Variants in AP2S1 observed in about 807,000 individuals in gnomAD.
AP2S1 encodes AP-2 complex subunit sigma.
A neutral mutation model predicts 21.0 loss-of-function variants in AP2S1; 6 were observed. The observed-to-expected ratio is 0.29, with a 90% CI of 0.16 to 0.56. The LOEUF (loss-of-function observed/expected upper bound fraction) is 0.56. Among genes scored for constraint, AP2S1 ranks in the 20% least tolerant of loss-of-function variants. AP2S1 has a pLI of 0.92. For synonymous variants in AP2S1, 63 were observed against 74.6 expected (o/e 0.84, Z 0.80); for missense variants, 60 against 186.2 (o/e 0.32, Z 3.95).
At chr19:46,840,034 T>G (rs975133029) in intron 2 of AP2S1, among the ~76,000 whole-genome samples, 1 of 152,150 alleles carries the variant, frequency 6.6e-6, no homozygotes, top group African/African-American at 2.4e-5. Flanking sequence ...CTGGAATTAA[T>G]TAACTCAATT....
rs60907407 is a variant in AP2S1, at chr19:46,840,367, CAAA to C, written c.154-792_154-790del. ...TATGTTCTCAATGTCAGGTTCATTACAAAAAAAAAAAAAAAAAAAATCCCAGCA... is the reference window on the plus strand; with the variant it reads ...TATGTTCTCAATGTCAGGTTCATTACAAAAAAAAAAAAAAAAATCCCAGCA... On this transcript the variant is annotated intron_variant, in intron 2 of 4. Coordinates refer to ENST00000263270, the MANE Select transcript of AP2S1 (RefSeq NM_004069.6). Among the ~76,000 whole-genome samples, 8 of 100,464 alleles carry C rather than the reference CAAA, an allele frequency of 8.0e-5. 1 individual carries two copies. Among genetic ancestry groups the C allele is most frequent in the Admixed American group, 7.4e-4 (7 of 9,494 alleles). The allele number at this position is 100,464 out of a possible 152,430, so 65.9% of individuals were successfully genotyped here.
chr19:46,839,697 C>G, intron 2 of AP2S1, 119 bp from the exon 3 acceptor site: 1 of 1,509,658 alleles, frequency 6.6e-7, no homozygotes, highest in Admixed American at 2.0e-5. Flanking sequence ...AGCTCTGTGC[C>G]TGGCCCTGTG....
At position 46,850,797 on chromosome 19, in the gene AP2S1, G is replaced by A. The variant is rs1313755045; in HGVS notation, c.-31C>T. On this transcript the variant is annotated 5_prime_UTR_variant, in exon 1 of 5. Coordinates refer to ENST00000263270, the MANE Select transcript of AP2S1 (RefSeq NM_004069.6). ...CCCCCGTCCAGACCCCAGCGGCCCC[G>A]GTCCCGCGGCGACTGGGCAGCTCCG... is the stretch of plus-strand genomic sequence containing the variant. 2.6e-6 allele frequency: 4 copies of A among 1,553,200 alleles called. No homozygotes were observed. Among genetic ancestry groups the A allele is most frequent in the East Asian group, 5.0e-5 (2 of 40,204 alleles).
chr19:46,846,155 G>A lies in AP2S1; in HGVS notation c.4-13C>T, dbSNP rs755816641. 1 of 1,612,796 alleles carries A rather than the reference G, an allele frequency of 6.2e-7. No individual in the cohort carries two copies. Among genetic ancestry groups the A allele is most frequent in the African/African-American group, 1.3e-5 (1 of 74,204 alleles). ...GGATAAAGCGGATCTGGGGGCAGCA[G>A]GAGGAGAAGGAGGAAGTGAGAGAGG... On this transcript the variant is annotated splice_polypyrimidine_tract_variant and intron_variant, in intron 1 of 4. Transcript: ENST00000263270.
Position 46,838,223 on chromosome 19 carries a change from C to T in AP2S1, c.*224G>A. 1.7e-6 allele frequency: 1 copy of T among 581,500 alleles called. No individual in the cohort carries two copies. Among genetic ancestry groups the T allele is most frequent in the Non-Finnish European group, 3.1e-6 (1 of 324,358 alleles). The allele number at this position is 581,500 out of a possible 1,614,324, so 36.0% of individuals were successfully genotyped here. On this transcript the variant is annotated 3_prime_UTR_variant, in exon 5 of 5. Coordinates refer to ENST00000263270, the MANE Select transcript of AP2S1 (RefSeq NM_004069.6). The surrounding 1 kb of genome is among the most constrained non-coding windows in gnomAD (Gnocchi z 4.1). ...CCACGCACAGACGCTTATGGCATCACACGACAACGGCACGGTTACTCGGGA... is the reference window on the plus strand; with the variant it reads ...CCACGCACAGACGCTTATGGCATCATACGACAACGGCACGGTTACTCGGGA...
chr19:46,841,200 T>C (rs542695233), intron 2 of AP2S1, among the ~76,000 whole-genome samples: 2 of 152,246 alleles, frequency 1.3e-5, no homozygotes, highest in African/African-American at 2.4e-5. Context: ...ATGATCCACC[T>C]GCCTCTGCCT....
intron 2 of AP2S1, among the ~76,000 whole-genome samples, chr19:46,840,203 C>T (rs1014294657): frequency 6.6e-6 from 1 of 151,724 alleles, no homozygotes; most frequent in Admixed American, 6.6e-5. Flanking sequence ...AGACACACAC[C>T]GTGAACAAAC....
intron 1 of AP2S1, 64 bp downstream of exon 1, chr19:46,850,700 A>C: frequency 7.2e-7 from 1 of 1,384,310 alleles, no homozygotes; most frequent in South Asian, 1.2e-5. Flanking sequence ...CGCCCGATCC[A>C]GCCTCGGCTA....
At chr19:46,847,863 T>C (rs780510089) in intron 1 of AP2S1, among the ~76,000 whole-genome samples, 1 of 152,160 alleles carries the variant, frequency 6.6e-6, no homozygotes, top group African/African-American at 2.4e-5. Flanking sequence ...TTAGGGCTAT[T>C]ATGAATAATA....
At chr19:46,844,023 G>A (rs1236201715) in intron 2 of AP2S1, among the ~76,000 whole-genome samples, 1 of 151,914 alleles carries the variant, frequency 6.6e-6, no homozygotes, top group Non-Finnish European at 1.5e-5. Flanking sequence ...CGATTCTCCT[G>A]CTTCAGCCTC....
chr19:46,839,664 C>T (rs752800997), intron 2 of AP2S1, 86 bp from the exon 3 acceptor site: 1 of 1,592,382 alleles, frequency 6.3e-7, no homozygotes, highest in Non-Finnish European at 8.6e-7. Context: ...CACTCCTTCA[C>T]TCCATACGTG....
chr19:46,850,737 G>T, intron 1 of AP2S1, 27 bp downstream of exon 1: 1 of 1,558,184 alleles, frequency 6.4e-7, no homozygotes, highest in Non-Finnish European at 8.8e-7. Context: ...CCCTCCGCCA[G>T]TCCCCGGCGT....
rs978435959 is a variant in AP2S1, at chr19:46,850,270, C to T, written c.3+494G>A. 5.7e-6 allele frequency: 7 copies of T among 1,234,488 alleles called. No individual in the cohort carries two copies. The African/African-American group carries it at 9.3e-5, about 16-fold the overall frequency. The allele number at this position is 1,234,488 out of a possible 1,614,324, so 76.5% of individuals were successfully genotyped here. On this transcript the variant is annotated intron_variant, in intron 1 of 4. Coordinates refer to ENST00000263270, the MANE Select transcript of AP2S1 (RefSeq NM_004069.6). ...CTCACAGGCAGTCTCCTGCCCCTGTCTCAACATCCCCTCTCCACCTGCAAT... is the reference window on the plus strand; with the variant it reads ...CTCACAGGCAGTCTCCTGCCCCTGTTTCAACATCCCCTCTCCACCTGCAAT...
intron 3 of AP2S1, 38 bp downstream of exon 3, chr19:46,839,424 GCCC>G: frequency 6.6e-7 from 1 of 1,504,488 alleles, no homozygotes. Context: ...CTCCAGGGCT[GCCC>G]ACCCGCCTCC....
At chr19:46,846,484 G>A (rs1463031321) in intron 1 of AP2S1, among the ~76,000 whole-genome samples, 5 of 126,002 alleles carry the variant, frequency 4.0e-5, no homozygotes, top group South Asian at 4.9e-4. Flanking sequence ...GTCTTGCTAC[G>A]TTGCTGGTCT....
At chr19:46,846,197 G>C (rs974474522) in intron 1 of AP2S1, 55 bp from the exon 2 acceptor site, 1 of 1,602,626 alleles carries the variant, frequency 6.2e-7, no homozygotes, top group Non-Finnish European at 8.5e-7. Flanking sequence ...GGGCGGGTTG[G>C]GTGCTGCCCA....
At position 46,840,720 on chromosome 19, in the gene AP2S1, A is replaced by ATTTTTTTT. The variant is rs781138883; in HGVS notation, c.154-1150_154-1143dup. Among the ~76,000 whole-genome samples the ATTTTTTTT allele has an allele frequency of 2.8e-4, 31 of 110,726 alleles. 3 individuals carry two copies. Among genetic ancestry groups the ATTTTTTTT allele is most frequent in the African/African-American group, 1.1e-3 (29 of 27,036 alleles). The allele number at this position is 110,726 out of a possible 152,430, so 72.6% of individuals were successfully genotyped here. Reference sequence around the variant, plus strand: ...ATGAGTGCCAGCATCAGTCTTCGGCATTTTTTTTTTTTTTTTTTTTTGAGT... The same window carrying ATTTTTTTT: ...ATGAGTGCCAGCATCAGTCTTCGGCATTTTTTTTTTTTTTTTTTTTTTTTTTTTTGAGT... On this transcript the variant is annotated intron_variant, in intron 2 of 4. Transcript: ENST00000263270.
rs566588587 is a variant in AP2S1 at position 46,840,172 on chromosome 19, C to T, written c.154-594G>A. 4.6e-5 allele frequency among the ~76,000 whole-genome samples: 7 copies of T among 152,000 alleles called. No individual in the cohort carries two copies. The South Asian group carries it at 1.3e-3, about 27-fold the overall frequency. The stretch of plus-strand genomic sequence containing the variant: ...CCTGCCCTCACTGAAATGCGATATA[C>T]ACAGTTAGCAATAGTAACACAGACA... On this transcript the variant is annotated intron_variant, in intron 2 of 4. Transcript: ENST00000263270.
chr19:46,838,847 A>G lies in AP2S1; in HGVS notation c.268-48T>C. The G allele has an allele frequency of 6.4e-7, 1 of 1,556,302 alleles. No homozygotes were observed. Among genetic ancestry groups the G allele is most frequent in the Non-Finnish European group, 8.9e-7 (1 of 1,128,758 alleles). ...GTAAGAGATGGGCAGGGAGAGAGCC[A>G]CACACGCACAGAGATGGGAACAAGG... On this transcript the variant is annotated intron_variant, in intron 3 of 4. Transcript: ENST00000263270. The surrounding 1 kb of genome is among the most constrained non-coding windows in gnomAD (Gnocchi z 4.1).
Sources: gnomAD v4.1 joint callset for allele counts (sites outside exome capture counted in the v4.1 genomes callset) on GRCh38, gnomAD v4.1.1 for gene constraint, Gnocchi (gnomAD v3.1) non-coding constraint, MANE v1.5 for transcripts, NCBI Gene and HGNC (gene_info 2026-07-23, HGNC 2026-07-21) for gene names.